The following ZBBX variants were observed in gnomAD, a reference collection of about 807,000 sequenced individuals.
ZBBX encodes the protein zinc finger B-box domain containing, also known as zinc finger B-box domain-containing protein 1.
Under a neutral mutation model 108.5 loss-of-function variants are expected in ZBBX, and 101 were observed. That is an observed-to-expected ratio of 0.93 (90% CI 0.79 to 1.10). ZBBX has a LOEUF of 1.10. Among genes scored for constraint, ZBBX ranks in the 50% least tolerant of loss-of-function variants. ZBBX has a pLI of 0.00. For missense variants in ZBBX, 1,009 were observed against 941.4 expected (o/e 1.07, Z -0.94); for synonymous variants, 356 against 323.4 (o/e 1.10, Z -1.08).
At chr3:167,399,535 A>G (rs983994775) in intron 1 of ZBBX, 16 of 152,106 alleles carry the variant, frequency 1.1e-4, no homozygotes, top group African/African-American at 3.9e-4. Flanking sequence ...CTGAAAAAAG[A>G]TTGACTGAGA....
chr3:167,306,291 G>C (rs1439430763), intron 16 of ZBBX, among the ~76,000 whole-genome samples: 1 of 152,074 alleles, frequency 6.6e-6, no homozygotes, highest in Non-Finnish European at 1.5e-5. Context: ...TTTTACAACA[G>C]TAATTCATGA....
chr3:167,272,454 C>T (rs1171407017), intron 20 of ZBBX, among the ~76,000 whole-genome samples: 1 of 152,086 alleles, frequency 6.6e-6, no homozygotes, highest in Non-Finnish European at 1.5e-5. Context: ...ATCTAGTGCT[C>T]CTGACCACTG....
At chr3:167,349,173 A>T (rs1255293145) in intron 9 of ZBBX, among the ~76,000 whole-genome samples, 2 of 152,112 alleles carry the variant, frequency 1.3e-5, no homozygotes, top group Non-Finnish European at 2.9e-5. Context: ...GCTTAACGTC[A>T]CTGAGTGATA....
chr3:167,337,872 T>C (rs1389894483), intron 9 of ZBBX, among the ~76,000 whole-genome samples: 1 of 152,136 alleles, frequency 6.6e-6, no homozygotes, highest in African/African-American at 2.4e-5. Flanking sequence ...CACTGTACCA[T>C]ATATTAATAA....
At chr3:167,199,204 T>C in the ZBBX span, among the ~76,000 whole-genome samples, 3 of 152,076 alleles carry the variant, frequency 2.0e-5, no homozygotes, top group Non-Finnish European at 4.4e-5. Flanking sequence ...TGTGAGAGAT[T>C]GTGAAATATG....
At chr3:167,245,159 A>G (rs1186941235) in intron 20 of ZBBX, among the ~76,000 whole-genome samples, 1 of 152,148 alleles carries the variant, frequency 6.6e-6, no homozygotes, top group African/African-American at 2.4e-5. Flanking sequence ...CACGCCTGTA[A>G]TCCCAGCACT....
intron 20 of ZBBX, among the ~76,000 whole-genome samples, chr3:167,248,319 T>C (rs1267202250): frequency 6.6e-6 from 1 of 152,238 alleles, no homozygotes; most frequent in East Asian, 1.9e-4. Flanking sequence ...TTTCTTTCCC[T>C]GGCCAAGGAA....
At position 167,240,837 on chromosome 3, in the gene ZBBX, T is replaced by C. The variant is rs773729692; in HGVS notation, c.2476A>G (p.Asn826Asp). The C allele has an allele frequency of 1.2e-6, 2 of 1,613,686 alleles. No homozygotes were observed. The highest frequency in any genetic ancestry group is 1.7e-6 in the Non-Finnish European group (2 of 1,179,662). ...STDEEEEDFL[N>D]KQHVITLPWS... is the part of the protein sequence containing the mutation. ...GGTAGTGTGATGACATGTTGCTTGT[T>C]GAGAAAATCTTCCTCCTCCTCATCT... The change falls in exon 22 of 22, where the codon AAC becomes GAC. Residue 826 changes from asparagine (N) to aspartate (D), a missense_variant. By Grantham distance (23) the Asn-to-Asp change is conservative. Transcript: ENST00000675490.
chr3:167,279,685 T>G (rs1277825415), intron 20 of ZBBX, among the ~76,000 whole-genome samples: 1 of 151,946 alleles, frequency 6.6e-6, no homozygotes, highest in African/African-American at 2.4e-5. Context: ...AGGTAATTTA[T>G]AGATTCAATG....
At chr3:167,397,067 T>C (rs1347760971) in intron 1 of ZBBX, among the ~76,000 whole-genome samples, 1 of 145,856 alleles carries the variant, frequency 6.9e-6, no homozygotes, top group East Asian at 2.0e-4. Flanking sequence ...GTATTTAATT[T>C]ATAAACATAA....
intron 20 of ZBBX, among the ~76,000 whole-genome samples, chr3:167,255,948 A>G (rs879445124): frequency 1.3e-5 from 2 of 151,854 alleles, no homozygotes; most frequent in Non-Finnish European, 2.9e-5. Context: ...CACTCCACCC[A>G]CACTCCCCAC....
Position 167,300,915 on chromosome 3 carries a change from CTT to C in ZBBX, c.1726-2459_1726-2458del, listed in dbSNP as rs59563822. ...ACAGGCGTGAGCCACTGTGCCTGGC[CTT>C]TTTTTTTTTTTTTTTTAACTTTTAA... On this transcript the variant is annotated intron_variant, in intron 17 of 21. Coordinates refer to ENST00000675490, the MANE Select transcript of ZBBX (RefSeq NM_001199201.2). Among the ~76,000 whole-genome samples, 264 of 136,446 alleles carry C rather than the reference CTT, an allele frequency of 1.9e-3. 2 individuals are homozygous for C. The highest frequency in any genetic ancestry group is 4.1e-3 in the Middle Eastern group (1 of 242). The allele number at this position is 136,446 out of a possible 152,430, so 89.5% of individuals were successfully genotyped here. A position where few individuals can be genotyped will look rare whatever the true frequency, so the allele number is the denominator to read the frequency against.
intron 9 of ZBBX, among the ~76,000 whole-genome samples, chr3:167,341,101 G>A (rs1320524651): frequency 6.6e-6 from 1 of 151,812 alleles, no homozygotes; most frequent in Non-Finnish European, 1.5e-5. Flanking sequence ...ATTACTTTAA[G>A]TAGTTCTTAA....
chr3:167,202,232 G>C, the ZBBX span, among the ~76,000 whole-genome samples: 1 of 152,104 alleles, frequency 6.6e-6, no homozygotes, highest in Non-Finnish European at 1.5e-5. Context: ...ATGGCATAAA[G>C]TTCCATTGTT....
chr3:167,291,505 T>TGA (rs989272060), intron 18 of ZBBX, among the ~76,000 whole-genome samples: 16 of 152,172 alleles, frequency 1.1e-4, no homozygotes, highest in African/African-American at 3.9e-4. Flanking sequence ...AAGCAAATGC[T>TGA]GAGAGATCTT....
At chr3:167,191,488 G>C in the ZBBX span, among the ~76,000 whole-genome samples, 90,835 of 151,862 alleles carry the variant, frequency 0.6, 27,362 homozygotes, top group East Asian at 0.82. Flanking sequence ...GAGAATGTTT[G>C]TTTCTGGTTC....
chr3:167,338,783 G>A (rs777596892), intron 9 of ZBBX, among the ~76,000 whole-genome samples: 1 of 151,990 alleles, frequency 6.6e-6, no homozygotes, highest in Non-Finnish European at 1.5e-5. Flanking sequence ...TAGAGAGAGA[G>A]ATACACACAT....
intron 1 of ZBBX, among the ~76,000 whole-genome samples, chr3:167,385,312 T>C (rs1220496691): frequency 2.0e-5 from 3 of 151,958 alleles, no homozygotes; most frequent in African/African-American, 4.8e-5. Flanking sequence ...TCTAAGCATA[T>C]GTAAACACAG....
chr3:167,388,696 G>C (rs944486977), intron 1 of ZBBX, among the ~76,000 whole-genome samples: 3 of 151,934 alleles, frequency 2.0e-5, no homozygotes, highest in Non-Finnish European at 4.4e-5. Flanking sequence ...AGGTACCTAG[G>C]CTCCTTCCAT....
Sources: gnomAD v4.1 joint callset for allele counts (sites outside exome capture counted in the v4.1 genomes callset) on GRCh38, gnomAD v4.1.1 for gene constraint, MANE v1.5 for transcripts, NCBI Gene and HGNC (gene_info 2026-07-23, HGNC 2026-07-21) for gene names.